FAT3: variants seen among roughly 807,000 people sequenced by gnomAD.
FAT3 encodes the protein protocadherin Fat 3.
Under a neutral mutation model 310.2 loss-of-function variants are expected in FAT3, and 95 were observed. The ratio of observed to expected loss-of-function variants is 0.31; its 90% CI spans 0.26 to 0.36. The LOEUF is 0.36. Among genes scored for constraint, FAT3 ranks in the 10% least tolerant of loss-of-function variants. FAT3 has a pLI of 1.00. For synonymous variants in FAT3, 2,314 were observed against 2,192.9 expected, an observed-to-expected ratio of 1.06 and a Z score of -1.54; for missense variants, 5,408 against 5,715.6, an observed-to-expected ratio of 0.95 and a Z score of 1.74.
rs140798577 is a variant in FAT3, at chr11:92,708,679, A to G, written c.3669+11234A>G. Among the ~76,000 whole-genome samples the G allele has an allele frequency of 8.3e-3, 1,269 of 152,350 alleles. 28 individuals are homozygous for G. The highest frequency in any genetic ancestry group is 0.029 in the African/African-American group (1,206 of 41,576). ...ATGCATTGTATTTATAGCTTGGTTC[A>G]TAGTTGTTGAATATACTTATGATAC... On this transcript the variant is annotated intron_variant, in intron 4 of 27. Coordinates refer to ENST00000525166, the MANE Select transcript of FAT3 (RefSeq NM_001367949.2).
At chr11:92,480,333 A>G (rs1181548627) in intron 2 of FAT3, among the ~76,000 whole-genome samples, 2 of 152,192 alleles carry the variant, frequency 1.3e-5, no homozygotes, top group East Asian at 3.8e-4. Flanking sequence ...CAAAGACAGT[A>G]TATTTTGGAG....
intron 2 of FAT3, among the ~76,000 whole-genome samples, chr11:92,361,269 C>T (rs1364623646): frequency 6.6e-6 from 1 of 152,204 alleles, no homozygotes; most frequent in East Asian, 1.9e-4. Context: ...AAAACTGGCT[C>T]ACTTTCCATT....
intron 4 of FAT3, among the ~76,000 whole-genome samples, chr11:92,757,532 C>T (rs1477097663): frequency 6.6e-6 from 1 of 152,070 alleles, no homozygotes; most frequent in Non-Finnish European, 1.5e-5. Context: ...TGGGCTAATT[C>T]GAAGGGAGGT....
chr11:92,313,111 T>G (rs1276615778), intron 1 of FAT3, among the ~76,000 whole-genome samples: 1 of 152,200 alleles, frequency 6.6e-6, no homozygotes, highest in Non-Finnish European at 1.5e-5. Context: ...AAAAGGCAAA[T>G]TTGTTCCAAA....
At chr11:92,830,969 C>T (rs1948232454) in intron 13 of FAT3, among the ~76,000 whole-genome samples, 1 of 152,182 alleles carries the variant, frequency 6.6e-6, no homozygotes, top group South Asian at 2.1e-4. Context: ...CTTGTTCAGG[C>T]CGCCAAGATC....
intron 4 of FAT3, among the ~76,000 whole-genome samples, chr11:92,722,212 AT>A (rs1406143232): frequency 6.6e-6 from 1 of 151,374 alleles, no homozygotes; most frequent in African/African-American, 2.5e-5. Context: ...TAATGGCAGT[AT>A]ACCCATTGGG....
intron 3 of FAT3, among the ~76,000 whole-genome samples, chr11:92,666,666 G>A (rs1942965064): frequency 1.3e-5 from 2 of 152,048 alleles, no homozygotes; most frequent in Admixed American, 1.3e-4. Context: ...AGCATTGAAG[G>A]ACATTTAAGA....
At chr11:92,460,496 G>A (rs1336719255) in intron 2 of FAT3, among the ~76,000 whole-genome samples, 3 of 152,184 alleles carry the variant, frequency 2.0e-5, no homozygotes, top group East Asian at 1.9e-4. Flanking sequence ...GTGACAGTGT[G>A]TATTGGTTTG....
At chr11:92,528,225 TG>T (rs1354442516) in intron 3 of FAT3, among the ~76,000 whole-genome samples, 5 of 152,210 alleles carry the variant, frequency 3.3e-5, no homozygotes, top group African/African-American at 9.6e-5. Context: ...GTAATTCCTG[TG>T]GCTTAAGGAA....
In FAT3 at chr11:92,870,454, T is replaced by C. The variant is rs368711585; in HGVS notation, c.12127+3245T>C. ...TAAACCAACCACAGAGAGAAGGCTCTCTCTCGGTAAAGCCTTAAAATTATA... is the reference window on the plus strand; with the variant it reads ...TAAACCAACCACAGAGAGAAGGCTCCCTCTCGGTAAAGCCTTAAAATTATA... On this transcript the variant is annotated intron_variant, in intron 22 of 27. Transcript: ENST00000525166. Among the ~76,000 whole-genome samples the C allele has an allele frequency of 5.9e-5, 9 of 151,878 alleles. No homozygotes were observed. In the East Asian group the frequency reaches 1.7e-3, roughly 29 times the overall value.
chr11:92,419,017 T>G (rs1950481382), intron 2 of FAT3, among the ~76,000 whole-genome samples: 1 of 150,408 alleles, frequency 6.6e-6, no homozygotes, highest in Admixed American at 6.6e-5. Flanking sequence ...AGCAAAAGAG[T>G]TTTCAAAAGG....
intron 3 of FAT3, among the ~76,000 whole-genome samples, chr11:92,559,050 C>A (rs1955124547): frequency 6.6e-6 from 1 of 152,040 alleles, no homozygotes. Flanking sequence ...TATTACTATT[C>A]TCCATTTAAG....
intron 6 of FAT3, among the ~76,000 whole-genome samples, chr11:92,771,277 C>G (rs1017592037): frequency 2.0e-5 from 3 of 152,106 alleles, no homozygotes; most frequent in African/African-American, 7.2e-5. Flanking sequence ...AAAATGGACT[C>G]CTTGCATTTG....
intron 3 of FAT3, among the ~76,000 whole-genome samples, chr11:92,605,180 T>C (rs1285486557): frequency 6.6e-6 from 1 of 152,212 alleles, no homozygotes; most frequent in Non-Finnish European, 1.5e-5. Context: ...TTTGAATTCC[T>C]ACACACTACC....
At chr11:92,330,995 TGTGTGTGTGAGAGAGA>T (rs1464416631) in intron 1 of FAT3, among the ~76,000 whole-genome samples, 7 of 122,758 alleles carry the variant, frequency 5.7e-5, no homozygotes, top group African/African-American at 2.9e-4. Context: ...TGTGTGTGTG[TGTGTGTGTGAGAGAGA>T]GAGAGAGAGA....
intron 2 of FAT3, among the ~76,000 whole-genome samples, chr11:92,507,629 TGGA>T (rs200225511): frequency 0.011 from 1,694 of 151,660 alleles, 33 homozygotes; most frequent in African/African-American, 0.039. Context: ...ATAGGAAAAT[TGGA>T]GGAGATGTGG....
At chr11:92,431,355 GTTGT>G (rs1377844635) in intron 2 of FAT3, among the ~76,000 whole-genome samples, 2 of 151,994 alleles carry the variant, frequency 1.3e-5, no homozygotes, top group Admixed American at 6.6e-5. Flanking sequence ...TTTTGATGGG[GTTGT>G]TTGTTTTTTT....
At chr11:92,638,544 T>C (rs1241775587) in intron 3 of FAT3, among the ~76,000 whole-genome samples, 2 of 152,238 alleles carry the variant, frequency 1.3e-5, no homozygotes, top group Non-Finnish European at 2.9e-5. Context: ...TGCTTGGAGT[T>C]GTATTTAAAT....
At chr11:92,474,307 C>T (rs1366059334) in intron 2 of FAT3, among the ~76,000 whole-genome samples, 1 of 152,104 alleles carries the variant, frequency 6.6e-6, no homozygotes, top group Non-Finnish European at 1.5e-5. Context: ...GGAGTATATA[C>T]ATTAGAGGTG....
Sources: gnomAD v4.1 joint callset for allele counts (sites outside exome capture counted in the v4.1 genomes callset) on GRCh38, gnomAD v4.1.1 for gene constraint, MANE v1.5 for transcripts, NCBI Gene and HGNC (gene_info 2026-07-23, HGNC 2026-07-21) for gene names.